Variants in LOC400499 observed in about 807,000 individuals in gnomAD.
chr16:11,495,270 G>C, the LOC400499 span, among the ~76,000 whole-genome samples: 1 of 151,792 alleles, frequency 6.6e-6, no homozygotes, highest in African/African-American at 2.4e-5. Flanking sequence ...CCACGACTCA[G>C]ACGCCCAGCT....
the LOC400499 span, chr16:11,522,185 G>A: frequency 2.5e-6 from 1 of 398,578 alleles, no homozygotes; most frequent in Non-Finnish European, 4.4e-6. Context: ...TCCACCTCCA[G>A]CCATCCTTGC....
the LOC400499 span, chr16:11,523,435 T>G: frequency 7.5e-6 from 3 of 398,778 alleles, no homozygotes; most frequent in Non-Finnish European, 1.3e-5. Flanking sequence ...CACGCAGTCA[T>G]GCAGGAGGCC....
At chr16:11,519,126 C>G in the LOC400499 span, among the ~76,000 whole-genome samples, 1 of 152,144 alleles carries the variant, frequency 6.6e-6, no homozygotes, top group Non-Finnish European at 1.5e-5. Flanking sequence ...AGGTACCAAG[C>G]CTGGGTGGTG....
chr16:11,396,627 G>C, the LOC400499 span: 1 of 1,232,182 alleles, frequency 8.1e-7, no homozygotes, highest in Non-Finnish European at 1.0e-6. Context: ...CGGGAACGCA[G>C]CAGGAGTCCA....
the LOC400499 span, among the ~76,000 whole-genome samples, chr16:11,484,549 G>C: frequency 3.0e-3 from 459 of 152,262 alleles, 5 homozygotes; most frequent in African/African-American, 0.01. Context: ...GTTAAGGATG[G>C]GTATTAACAA....
the LOC400499 span, chr16:11,412,845 C>T: frequency 0.1 from 40,404 of 399,054 alleles, 2,142 homozygotes; most frequent in African/African-American, 0.14. Context: ...CCTCACCTGA[C>T]TGCCTGGTTC....
At chr16:11,422,440 C>A in the LOC400499 span, among the ~76,000 whole-genome samples, 20 of 151,160 alleles carry the variant, frequency 1.3e-4, no homozygotes, top group South Asian at 8.4e-4. Context: ...CAGAACGGAA[C>A]GGAAAGGAAA....
the LOC400499 span, chr16:11,392,000 T>C: frequency 2.4e-6 from 1 of 414,816 alleles, no homozygotes; most frequent in Non-Finnish European, 4.2e-6. Context: ...TCCCCTGCTG[T>C]GATACCCACC....
chr16:11,462,560 T>C, the LOC400499 span: 2 of 407,450 alleles, frequency 4.9e-6, no homozygotes, highest in Non-Finnish European at 6.6e-6. Context: ...CTCCCTGGGA[T>C]TACAGTCACG....
At chr16:11,488,621 A>T in the LOC400499 span, 2 of 396,350 alleles carry the variant, frequency 5.0e-6, no homozygotes, top group East Asian at 7.2e-5. Context: ...ACAACGTCTG[A>T]TCCACATGCT....
chr16:11,417,161 G>C, the LOC400499 span, among the ~76,000 whole-genome samples: 98 of 151,264 alleles, frequency 6.5e-4, no homozygotes, highest in African/African-American at 2.3e-3. Context: ...TTAAAAATAA[G>C]GTATTCACAG....
chr16:11,380,080 G>A, the LOC400499 span, among the ~76,000 whole-genome samples: 3 of 152,216 alleles, frequency 2.0e-5, 1 homozygote, highest in Middle Eastern at 6.8e-3. Flanking sequence ...GAGTAGCTGA[G>A]ACTACAAGTG....
chr16:11,504,557 C>CA, the LOC400499 span, among the ~76,000 whole-genome samples: 2 of 150,870 alleles, frequency 1.3e-5, no homozygotes, highest in Non-Finnish European at 2.9e-5. Flanking sequence ...CTCCGTCCCC[C>CA]CCCCCAAAAA....
the LOC400499 span, among the ~76,000 whole-genome samples, chr16:11,459,079 A>C: frequency 6.6e-6 from 1 of 151,836 alleles, no homozygotes; most frequent in Admixed American, 6.5e-5. Flanking sequence ...TAAATAAAAA[A>C]CAGTAAATTT....
At chr16:11,490,120 C>A in the LOC400499 span, among the ~76,000 whole-genome samples, 1 of 152,148 alleles carries the variant, frequency 6.6e-6, no homozygotes, top group East Asian at 1.9e-4. Flanking sequence ...GCAGGCTGGA[C>A]CCAGTGGCTC....
chr16:11,383,959 C>T, the LOC400499 span: 7 of 1,231,770 alleles, frequency 5.7e-6, no homozygotes, highest in African/African-American at 6.2e-5. Context: ...CTGTCCCGGG[C>T]AGGCCTGCTC....
the LOC400499 span, chr16:11,462,479 G>A: frequency 2.2e-5 from 21 of 974,900 alleles, no homozygotes; most frequent in Non-Finnish European, 2.6e-5. Flanking sequence ...TCCCAAGCTG[G>A]AGTGCAGTGG....
At chr16:11,431,306 G>T in the LOC400499 span, 2 of 398,632 alleles carry the variant, frequency 5.0e-6, no homozygotes, top group Non-Finnish European at 8.8e-6. Flanking sequence ...CAATGCTGCT[G>T]CTCACTAACA....
the LOC400499 span, among the ~76,000 whole-genome samples, chr16:11,482,941 A>G: frequency 6.6e-6 from 1 of 152,144 alleles, no homozygotes; most frequent in Non-Finnish European, 1.5e-5. Context: ...TTTCTGGAGT[A>G]TAGAAAGAAT....
Sources: gnomAD v4.1 joint callset for allele counts (sites outside exome capture counted in the v4.1 genomes callset) on GRCh38, gnomAD v4.1.1 for gene constraint, MANE v1.5 for transcripts.